The following CCDC63 variants were observed in gnomAD, a reference collection of about 807,000 sequenced individuals.
The protein encoded by CCDC63 is coiled-coil domain-containing protein 63.
CCDC63 carries 54 observed loss-of-function variants against 63.6 expected under a neutral mutation model. The observed-to-expected ratio is 0.85, with a 90% CI of 0.68 to 1.07. The LOEUF (loss-of-function observed/expected upper bound fraction) is 1.07, where lower values mean the gene tolerates loss of function less well. Among genes scored for constraint, CCDC63 ranks in the 50% least tolerant of loss-of-function variants. CCDC63 has a pLI of 0.00. For synonymous variants in CCDC63, 253 were observed against 266.1 expected (o/e 0.95, Z 0.48); for missense variants, 637 against 689.6 (o/e 0.92, Z 0.86).
intron 1 of CCDC63, among the ~76,000 whole-genome samples, chr12:110,849,668 T>G (rs576748036): frequency 1.9e-3 from 282 of 152,076 alleles, no homozygotes; most frequent in Non-Finnish European, 3.3e-3. Flanking sequence ...CCAGCTAATT[T>G]TTGTATTTTT....
intron 10 of CCDC63, among the ~76,000 whole-genome samples, chr12:110,901,735 T>G (rs147876267): frequency 6.6e-6 from 1 of 152,302 alleles, no homozygotes; most frequent in Non-Finnish European, 1.5e-5. Context: ...TCCAGTTCCA[T>G]CCATGTTGTT....
intron 9 of CCDC63, among the ~76,000 whole-genome samples, chr12:110,896,811 A>G (rs1286472652): frequency 2.0e-5 from 3 of 152,226 alleles, no homozygotes; most frequent in African/African-American, 7.2e-5. Flanking sequence ...GTGTGAAGCC[A>G]AGGCTGAGAT....
At chr12:110,887,589 T>G (rs1232597756) in intron 8 of CCDC63, among the ~76,000 whole-genome samples, 2 of 152,142 alleles carry the variant, frequency 1.3e-5, no homozygotes, top group South Asian at 2.1e-4. Context: ...CTTTTTGCCT[T>G]CTTCTGGCAC....
chr12:110,868,759 G>A (rs2071020613), intron 4 of CCDC63, among the ~76,000 whole-genome samples: 1 of 122,884 alleles, frequency 8.1e-6, no homozygotes, highest in African/African-American at 3.1e-5. Flanking sequence ...GAGGGGAAGG[G>A]GGAGGGGGAG....
At chr12:110,891,500 A>T (rs937104918) in intron 8 of CCDC63, among the ~76,000 whole-genome samples, 8 of 151,770 alleles carry the variant, frequency 5.3e-5, no homozygotes, top group African/African-American at 1.4e-4. Flanking sequence ...AAAAATTTTT[A>T]AAAAATTAGT....
intron 4 of CCDC63, among the ~76,000 whole-genome samples, chr12:110,870,166 T>G (rs984438488): frequency 6.6e-6 from 1 of 152,192 alleles, no homozygotes; most frequent in Non-Finnish European, 1.5e-5. Flanking sequence ...CACTGCAACC[T>G]CTACCTCCCA....
Position 110,847,714 on chromosome 12 carries a change from C to T in CCDC63, c.-97+609C>T, listed in dbSNP as rs369705884. 9.2e-5 allele frequency among the ~76,000 whole-genome samples: 14 copies of T among 152,258 alleles called. No individual in the cohort carries two copies. In the East Asian group the frequency reaches 9.6e-4, roughly 10 times the overall value. ...TTCTGTGCTCCTGTTTGGCTAGTGC[C>T]CTAAGCACATGTTTAATTCCAGGTT... On this transcript the variant is annotated intron_variant, in intron 1 of 11. Coordinates refer to ENST00000308208, the MANE Select transcript of CCDC63 (RefSeq NM_152591.3).
intron 4 of CCDC63, among the ~76,000 whole-genome samples, chr12:110,859,554 C>T (rs1418303882): frequency 6.6e-6 from 1 of 152,070 alleles, no homozygotes; most frequent in African/African-American, 2.4e-5. Context: ...GATCTTCCCG[C>T]CTCGGCCTCC....
At chr12:110,847,826 G>C (rs1341899702) in intron 1 of CCDC63, among the ~76,000 whole-genome samples, 2 of 152,186 alleles carry the variant, frequency 1.3e-5, no homozygotes, top group Non-Finnish European at 2.9e-5. Context: ...TCTTTTAAAG[G>C]CAGGTTGTTA....
chr12:110,891,734 T>G (rs1293353072), intron 8 of CCDC63, among the ~76,000 whole-genome samples: 1 of 151,696 alleles, frequency 6.6e-6, no homozygotes, highest in Non-Finnish European at 1.5e-5. Flanking sequence ...GCCAGGAATC[T>G]GCATTTTAGC....
intron 8 of CCDC63, among the ~76,000 whole-genome samples, chr12:110,885,420 A>G (rs1224306648): frequency 6.6e-6 from 1 of 152,152 alleles, no homozygotes; most frequent in Admixed American, 6.5e-5. Context: ...TTTACACACC[A>G]GTACATAAAT....
At chr12:110,894,811 T>C (rs765114356) in intron 9 of CCDC63, among the ~76,000 whole-genome samples, 6 of 152,208 alleles carry the variant, frequency 3.9e-5, no homozygotes, top group Non-Finnish European at 5.9e-5. Context: ...CTCCCTCGCC[T>C]CTGCCTGAAG....
In CCDC63 at chr12:110,853,505, A is replaced by G. The variant is rs1194531267; in HGVS notation, c.110A>G (p.Gln37Arg). ...AEAELRKLRQ[Q>R]FRKMVESRKS... The stretch of plus-strand genomic sequence containing the variant: ...GCAGAGCTCCGGAAGCTAAGGCAGC[A>G]GTTCAGGAAGATGGTGGAAAGCCGG... The change falls in exon 3 of 12, where the codon CAG becomes CGG. Residue 37 changes from glutamine (Q) to arginine (R), a missense_variant. Gln to Arg is a conservative substitution (Grantham distance 43). Transcript: ENST00000308208. 17 of 1,614,128 alleles carry G rather than the reference A, an allele frequency of 1.1e-5. No individual in the cohort carries two copies. Among genetic ancestry groups the G allele is most frequent in the Non-Finnish European group, 1.4e-5 (17 of 1,180,052 alleles).
intron 1 of CCDC63, among the ~76,000 whole-genome samples, chr12:110,849,644 G>A (rs368154304): frequency 2.0e-4 from 30 of 151,906 alleles, no homozygotes; most frequent in African/African-American, 6.5e-4. Context: ...GATTACAGGT[G>A]CCCACCACCA....
chr12:110,878,406 C>A (rs984390493), intron 5 of CCDC63, among the ~76,000 whole-genome samples: 1 of 152,098 alleles, frequency 6.6e-6, no homozygotes, highest in Non-Finnish European at 1.5e-5. Context: ...CCTCTGCCTC[C>A]CAGGTTCAAA....
chr12:110,883,021 C>T (rs1163774315), intron 7 of CCDC63, among the ~76,000 whole-genome samples: 2 of 149,974 alleles, frequency 1.3e-5, no homozygotes, highest in Non-Finnish European at 3.0e-5. Flanking sequence ...CAACACGACA[C>T]TTGGCTAATT....
chr12:110,878,760 G>A (rs144176185), intron 5 of CCDC63, among the ~76,000 whole-genome samples: 14 of 152,310 alleles, frequency 9.2e-5, no homozygotes, highest in Non-Finnish European at 1.5e-4. Context: ...ATGCCCAGGA[G>A]AGGGATTGCT....
chr12:110,874,745 G>A (rs937516414), intron 5 of CCDC63, among the ~76,000 whole-genome samples: 2 of 152,174 alleles, frequency 1.3e-5, no homozygotes, highest in Admixed American at 6.5e-5. Context: ...ACCAATCAGG[G>A]TGGGTGGTCA....
chr12:110,904,841 T>A, intron 11 of CCDC63, 50 bp downstream of exon 11: 1 of 1,460,484 alleles, frequency 6.8e-7, no homozygotes, highest in Non-Finnish European at 9.3e-7. Flanking sequence ...AACCTGTGCC[T>A]TCAGGTCTGG....
Sources: gnomAD v4.1 joint callset for allele counts (sites outside exome capture counted in the v4.1 genomes callset) on GRCh38, gnomAD v4.1.1 for gene constraint, MANE v1.5 for transcripts, NCBI Gene and HGNC (gene_info 2026-07-23, HGNC 2026-07-21) for gene names.